The following CACNA2D3 variants were observed in gnomAD, a reference collection of about 807,000 sequenced individuals.
The protein encoded by CACNA2D3 is voltage-dependent calcium channel subunit alpha-2/delta-3.
A neutral mutation model predicts 160.6 loss-of-function variants in CACNA2D3; 60 were observed. That is an observed-to-expected ratio of 0.37 (90% confidence interval 0.30 to 0.46). The LOEUF (loss-of-function observed/expected upper bound fraction) is 0.46. CACNA2D3 is among the 20% of genes least tolerant of loss of function. The probability of loss-of-function intolerance (pLI) is 1.00; values close to 1 mark genes in which losing one functional copy is unlikely to be tolerated. For missense variants in CACNA2D3, 1,205 were observed against 1,365.0 expected (o/e 0.88, Z 1.85); for synonymous variants, 558 against 492.9 (o/e 1.13, Z -1.75).
rs950018955 is a variant in CACNA2D3 at position 54,770,707 on chromosome 3, C to T, written c.1380+6356C>T. ...TGGTGCACGAAGCATATGTCTGTTC[C>T]CCATGCTTGAGTTGCAAGCTTACTT... On this transcript the variant is annotated intron_variant, in intron 13 of 37. Transcript: ENST00000474759. Among the ~76,000 whole-genome samples the T allele has an allele frequency of 8.5e-5, 13 of 152,120 alleles. No individual in the cohort carries two copies. The South Asian group carries it at 2.5e-3, about 29-fold the overall frequency.
In CACNA2D3 at chr3:54,891,368, G is replaced by A. The variant is rs1277517300; in HGVS notation, c.2164G>A (p.Gly722Ser). 6.2e-7 allele frequency: 1 copy of A among 1,613,710 alleles called. No individual in the cohort carries two copies. The highest frequency in any genetic ancestry group is 8.5e-7 in the Non-Finnish European group (1 of 1,179,746). ...ALNKSENSDKGVEVAFLGTRT... is the reference protein window; with the variant it reads ...ALNKSENSDKSVEVAFLGTRT... ...GTTCTGTTTCAGAAATTCTGACAAG[G>A]GCGTGGAGGTTGCCTTCCTCGGCAC... Residue 722 changes from glycine to serine, a missense_variant, in exon 25 of 38, where the codon GGC becomes AGC. By Grantham distance (56) the Gly-to-Ser change is moderately conservative. This residue lies in a region of CACNA2D3 where 911 missense variants were observed against 1,002.2 expected (regional missense o/e 0.91). Coordinates refer to ENST00000474759, the MANE Select transcript of CACNA2D3 (RefSeq NM_018398.3).
intron 5 of CACNA2D3, among the ~76,000 whole-genome samples, chr3:54,535,139 A>G (rs530705280): frequency 2.0e-5 from 3 of 152,302 alleles, no homozygotes; most frequent in Admixed American, 6.5e-5. Flanking sequence ...AGTGGCTCAC[A>G]TATCGTGGTC....
chr3:54,743,728 A>G (rs991352908), intron 11 of CACNA2D3, among the ~76,000 whole-genome samples: 29 of 152,156 alleles, frequency 1.9e-4, no homozygotes, highest in Non-Finnish European at 4.4e-5. Flanking sequence ...GATGGGGCAT[A>G]CCTATGAACA....
chr3:54,826,119 T>G (rs562856393), intron 14 of CACNA2D3, among the ~76,000 whole-genome samples: 5 of 152,226 alleles, frequency 3.3e-5, no homozygotes, highest in Non-Finnish European at 7.3e-5. Context: ...TTTTTCTTAG[T>G]AAATTGAGCC....
At chr3:55,034,932 A>G (rs916654951) in intron 35 of CACNA2D3, among the ~76,000 whole-genome samples, 2 of 152,170 alleles carry the variant, frequency 1.3e-5, no homozygotes, top group African/African-American at 4.8e-5. Context: ...TTATTAAGAT[A>G]AATCTCAGTA....
chr3:54,246,385 G>T (rs1171864989), intron 2 of CACNA2D3, among the ~76,000 whole-genome samples: 5 of 152,100 alleles, frequency 3.3e-5, no homozygotes, highest in African/African-American at 1.2e-4. Context: ...TTCCTTCTAA[G>T]ATTTAGTAAT....
intron 2 of CACNA2D3, among the ~76,000 whole-genome samples, chr3:54,140,974 A>C (rs1699914853): frequency 6.6e-6 from 1 of 151,856 alleles, no homozygotes; most frequent in Non-Finnish European, 1.5e-5. Flanking sequence ...CTCAGCCATG[A>C]CTATAAGCTA....
chr3:54,648,266 G>T (rs1278882604), intron 11 of CACNA2D3, among the ~76,000 whole-genome samples: 1 of 152,196 alleles, frequency 6.6e-6, no homozygotes, highest in South Asian at 2.1e-4. Context: ...GTATTTCATG[G>T]CATGAGAACA....
chr3:54,514,332 C>T lies in CACNA2D3; in HGVS notation c.544+10678C>T, dbSNP rs1344462478. Among the ~76,000 whole-genome samples, 6 of 152,172 alleles carry T rather than the reference C, an allele frequency of 3.9e-5. No individual in the cohort carries two copies. The South Asian group carries it at 1.2e-3, about 31-fold the overall frequency. The stretch of plus-strand genomic sequence containing the variant: ...ATGATGATCAGAATGCAAAAAGGCT[C>T]TTCTCCTTGCCAGAAAGTTCACTGC... On this transcript the variant is annotated intron_variant, in intron 5 of 37. Transcript: ENST00000474759.
chr3:54,324,387 T>G (rs1704076800), intron 3 of CACNA2D3, among the ~76,000 whole-genome samples: 1 of 152,216 alleles, frequency 6.6e-6, no homozygotes. Flanking sequence ...GGCCTGCCCA[T>G]TACATAACCC....
In CACNA2D3 at chr3:54,242,000, G is replaced by T. The variant is rs28560392; in HGVS notation, c.205-78442G>T. On this transcript the variant is annotated intron_variant, in intron 2 of 37. Transcript: ENST00000474759. ...GGAATACATTCCAGGGCCCCCAGTG[G>T]ATTCCTGAAAACTGGATAGTACCAA... is the stretch of plus-strand genomic sequence containing the variant. Among the ~76,000 whole-genome samples, 541 of 152,190 alleles carry T rather than the reference G, an allele frequency of 3.6e-3. 4 individuals are homozygous for T. The highest frequency in any genetic ancestry group is 0.01 in the Middle Eastern group (3 of 294).
intron 2 of CACNA2D3, among the ~76,000 whole-genome samples, chr3:54,131,768 G>A (rs1372662489): frequency 6.8e-6 from 1 of 147,774 alleles, no homozygotes; most frequent in African/African-American, 2.5e-5. Context: ...TTTTTTTTTT[G>A]CTTTCTTTCC....
intron 11 of CACNA2D3, among the ~76,000 whole-genome samples, chr3:54,735,465 A>C (rs1701477874): frequency 6.6e-6 from 1 of 152,234 alleles, no homozygotes; most frequent in African/African-American, 2.4e-5. Context: ...GCAGACACAC[A>C]GATAAATGAG....
intron 34 of CACNA2D3, among the ~76,000 whole-genome samples, chr3:55,010,058 G>C (rs1703176476): frequency 6.6e-6 from 1 of 152,172 alleles, no homozygotes; most frequent in Non-Finnish European, 1.5e-5. Context: ...AAGTGAATGT[G>C]TGTGTGTGCA....
intron 35 of CACNA2D3, among the ~76,000 whole-genome samples, chr3:55,021,321 A>G (rs1039290281): frequency 2.6e-5 from 4 of 151,992 alleles, no homozygotes; most frequent in Non-Finnish European, 5.9e-5. Context: ...TTTGATTAAA[A>G]ATGTTACTGT....
At chr3:54,176,274 C>A (rs967215862) in intron 2 of CACNA2D3, among the ~76,000 whole-genome samples, 1 of 152,164 alleles carries the variant, frequency 6.6e-6, no homozygotes, top group Non-Finnish European at 1.5e-5. Context: ...TTCTGTTTTT[C>A]CAAATGGTTT....
chr3:54,579,643 T>C (rs1309649464), intron 8 of CACNA2D3, among the ~76,000 whole-genome samples: 1 of 152,168 alleles, frequency 6.6e-6, no homozygotes, highest in Non-Finnish European at 1.5e-5. Flanking sequence ...ATCGGTGTAT[T>C]GTCACCCTAA....
At chr3:54,199,063 C>T (rs1476988535) in intron 2 of CACNA2D3, among the ~76,000 whole-genome samples, 1 of 152,196 alleles carries the variant, frequency 6.6e-6, no homozygotes, top group Non-Finnish European at 1.5e-5. Flanking sequence ...TTTCCTTCTT[C>T]ACCTTCTCCT....
intron 11 of CACNA2D3, among the ~76,000 whole-genome samples, chr3:54,689,615 G>C (rs747407236): frequency 4.6e-5 from 7 of 151,980 alleles, no homozygotes; most frequent in African/African-American, 1.7e-4. Flanking sequence ...CCTTCTCACT[G>C]CACAGATCAG....
Sources: allele counts gnomAD v4.1 joint callset (sites outside exome capture counted in the v4.1 genomes callset), GRCh38; gene constraint gnomAD v4.1.1; regional missense constraint gnomAD v4.1.1; transcripts MANE v1.5; gene names NCBI Gene and HGNC (gene_info 2026-07-23, HGNC 2026-07-21).